ZMYND8: variants seen among roughly 807,000 people sequenced by gnomAD.
ZMYND8 encodes MYND-type zinc finger-containing chromatin reader ZMYND8.
In ZMYND8, 37 loss-of-function variants were observed where a neutral mutation model predicts 140.8. That is an observed-to-expected ratio of 0.26 (90% CI 0.20 to 0.35). The LOEUF is 0.35. Ranked by LOEUF, ZMYND8 falls within the 10% of genes least tolerant of loss-of-function variation. ZMYND8 has a pLI of 1.00. For synonymous variants in ZMYND8, 592 were observed against 597.1 expected (o/e 0.99, Z 0.12); for missense variants, 1,068 against 1,570.0 (o/e 0.68, Z 5.40).
At chr20:47,294,526 T>A (rs189664062) in intron 5 of ZMYND8, 140 bp downstream of exon 5, 1 of 716,934 alleles carries the variant, frequency 1.4e-6, no homozygotes, top group East Asian at 2.6e-5. Flanking sequence ...ACCTCATGTG[T>A]GATTTACACA....
chr20:47,226,832 T>A (rs1442159067), intron 18 of ZMYND8, among the ~76,000 whole-genome samples: 2 of 152,118 alleles, frequency 1.3e-5, no homozygotes, highest in African/African-American at 4.8e-5. Flanking sequence ...GGTAATGGTT[T>A]AAAATTTTGT....
At chr20:47,280,345 G>T (rs1407780119) in intron 10 of ZMYND8, among the ~76,000 whole-genome samples, 1 of 152,124 alleles carries the variant, frequency 6.6e-6, no homozygotes, top group Non-Finnish European at 1.5e-5. Context: ...GACCCATGCT[G>T]CTTTCTTTTT....
chr20:47,350,447 G>T (rs1360713788), intron 1 of ZMYND8, among the ~76,000 whole-genome samples: 1 of 150,354 alleles, frequency 6.7e-6, no homozygotes, highest in Non-Finnish European at 1.5e-5. Context: ...ACTGATTTCG[G>T]TTTTTTTGTG....
In ZMYND8 at chr20:47,276,642, T is replaced by C; in HGVS notation, c.1152A>G (p.Pro384=). Residue 384 remains proline, a synonymous_variant, in exon 11 of 23, where the codon CCA becomes CCG. Coordinates refer to ENST00000471951, the MANE Select transcript of ZMYND8 (RefSeq NM_001281775.3). Reference sequence around the variant, plus strand: ...TGTTGGGTGTGTAGGGTGTCCTAAATGGAGAGTAATTAAAAACCCCAAACT... The same window carrying C: ...TGTTGGGTGTGTAGGGTGTCCTAAACGGAGAGTAATTAAAAACCCCAAACT... ...RRKFGVFNYS[P]FRTPYTPNSQ... is the part of the protein sequence containing the mutation. 4 of 1,613,870 alleles carry C rather than the reference T, an allele frequency of 2.5e-6. No individual in the cohort carries two copies. The highest frequency in any genetic ancestry group is 3.4e-6 in the Non-Finnish European group (4 of 1,179,994).
intron 21 of ZMYND8, among the ~76,000 whole-genome samples, chr20:47,217,046 T>C (rs1382189579): frequency 2.0e-5 from 3 of 152,124 alleles, no homozygotes; most frequent in Non-Finnish European, 4.4e-5. Context: ...AGGTGAGGTT[T>C]TGCCAAATGG....
At chr20:47,288,489 G>A (rs970247743) in intron 7 of ZMYND8, among the ~76,000 whole-genome samples, 4 of 151,532 alleles carry the variant, frequency 2.6e-5, no homozygotes, top group Admixed American at 2.6e-4. Flanking sequence ...TGCCTCCTGG[G>A]TTGAAGCGAT....
At chr20:47,343,423 A>G (rs1395500439) in intron 2 of ZMYND8, among the ~76,000 whole-genome samples, 1 of 152,216 alleles carries the variant, frequency 6.6e-6, no homozygotes, top group East Asian at 1.9e-4. Context: ...AACCCACAGT[A>G]TAAAGTAACC....
chr20:47,223,486 C>T (rs1208612976), intron 19 of ZMYND8, among the ~76,000 whole-genome samples: 1 of 151,472 alleles, frequency 6.6e-6, no homozygotes, highest in African/African-American at 2.4e-5. Flanking sequence ...GCCTGGGGGA[C>T]AAGAGCAAAA....
At chr20:47,300,878 C>T (rs1395855667) in intron 3 of ZMYND8, among the ~76,000 whole-genome samples, 1 of 138,986 alleles carries the variant, frequency 7.2e-6, no homozygotes, top group Non-Finnish European at 1.5e-5. Context: ...CCATGCACAA[C>T]TAATTTTGTG....
intron 21 of ZMYND8, among the ~76,000 whole-genome samples, chr20:47,219,042 C>T (rs1407934012): frequency 7.1e-6 from 1 of 141,144 alleles, no homozygotes; most frequent in Admixed American, 7.1e-5. Context: ...CATGGCAAAA[C>T]CCCGTTTCTA....
intron 14 of ZMYND8, among the ~76,000 whole-genome samples, chr20:47,241,706 A>G (rs928939918): frequency 2.0e-5 from 3 of 151,868 alleles, no homozygotes; most frequent in South Asian, 4.1e-4. Flanking sequence ...CCCAGAGAGG[A>G]TATCTGGGGA....
In ZMYND8 at chr20:47,287,848, A is replaced by ACATGCACACT. The variant is rs1556005052; in HGVS notation, c.749-565_749-564insAGTGTGCATG. The stretch of plus-strand genomic sequence containing the variant: ...CTCTAGAAAAAAACAACACACACAC[A>ACATGCACACT]CACGCACACACGCACACACATACAC... On this transcript the variant is annotated intron_variant, in intron 7 of 22. Transcript: ENST00000471951. Among the ~76,000 whole-genome samples the ACATGCACACT allele has an allele frequency of 8.3e-3, 1,251 of 151,128 alleles. 22 individuals are homozygous for ACATGCACACT. The highest frequency in any genetic ancestry group is 0.029 in the African/African-American group (1,176 of 41,178).
chr20:47,328,322 C>T (rs6018411), intron 2 of ZMYND8, among the ~76,000 whole-genome samples: 37,092 of 152,024 alleles, frequency 0.24, 7,931 homozygotes, highest in African/African-American at 0.58. Context: ...CAAAAACATA[C>T]CAAACTGTTA....
chr20:47,325,879 C>A (rs2080370224), intron 2 of ZMYND8, among the ~76,000 whole-genome samples: 1 of 152,102 alleles, frequency 6.6e-6, no homozygotes. Context: ...TCAAGCAATT[C>A]TCCTGCCTCA....
intron 3 of ZMYND8, among the ~76,000 whole-genome samples, chr20:47,307,222 G>C (rs1333540585): frequency 6.6e-6 from 1 of 151,828 alleles, no homozygotes; most frequent in African/African-American, 2.4e-5. Flanking sequence ...AGGCCGAGGT[G>C]GGTGGATTAC....
At chr20:47,334,955 G>A (rs1249656355) in intron 2 of ZMYND8, among the ~76,000 whole-genome samples, 1 of 151,812 alleles carries the variant, frequency 6.6e-6, no homozygotes, top group Non-Finnish European at 1.5e-5. Flanking sequence ...ACTTTAAATG[G>A]AGAACTGGGC....
chr20:47,249,466 A>G, intron 12 of ZMYND8, 27 bp from the exon 13 acceptor site: 1 of 1,612,456 alleles, frequency 6.2e-7, no homozygotes, highest in Non-Finnish European at 8.5e-7. Context: ...CACCCTCGTA[A>G]GATCAGGCAC....
In ZMYND8 at chr20:47,210,701, T is replaced by G. The variant is rs764446085; in HGVS notation, c.*60A>C. ...GTTCTCCTGCCTTTGTTGTTTCTTCTTTTCCTGGCGTCTGGGTTTTTCTCC... is the reference window on the plus strand; with the variant it reads ...GTTCTCCTGCCTTTGTTGTTTCTTCGTTTCCTGGCGTCTGGGTTTTTCTCC... On this transcript the variant is annotated 3_prime_UTR_variant, in exon 23 of 23. Coordinates refer to ENST00000471951, the MANE Select transcript of ZMYND8 (RefSeq NM_001281775.3). The G allele has an allele frequency of 2.5e-6, 4 of 1,613,444 alleles. No homozygotes were observed. The highest frequency in any genetic ancestry group is 1.3e-5 in the African/African-American group (1 of 74,892).
At chr20:47,270,697 G>GAAAAAA (rs34474269) in intron 11 of ZMYND8, among the ~76,000 whole-genome samples, 1 of 86,652 alleles carries the variant, frequency 1.2e-5, no homozygotes, top group Non-Finnish European at 2.1e-5. Flanking sequence ...CCCTGTCTCT[G>GAAAAAA]AAAAAAAAAA....
Sources: gnomAD v4.1 joint callset for allele counts (sites outside exome capture counted in the v4.1 genomes callset) on GRCh38, gnomAD v4.1.1 for gene constraint, MANE v1.5 for transcripts, NCBI Gene and HGNC (gene_info 2026-07-23, HGNC 2026-07-21) for gene names.